The following CCDC157 variants were observed in gnomAD, a reference collection of about 807,000 sequenced individuals.
CCDC157 encodes the protein coiled-coil domain containing 157, also known as coiled-coil domain-containing protein 157.
In CCDC157, 60 loss-of-function variants were observed where a neutral mutation model predicts 70.9. The observed-to-expected ratio is 0.85, with a 90% confidence interval of 0.69 to 1.05. The LOEUF (loss-of-function observed/expected upper bound fraction) is 1.05, where lower values mean the gene tolerates loss of function less well. CCDC157 is among the 50% of genes least tolerant of loss of function. CCDC157 has a pLI of 0.00. For synonymous variants in CCDC157, 373 were observed against 422.4 expected, an observed-to-expected ratio of 0.88 and a Z score of 1.43; for missense variants, 943 against 984.2, an observed-to-expected ratio of 0.96 and a Z score of 0.56.
At chr22:30,373,410 C>G (rs1933085640) in intron 7 of CCDC157, 187 bp from the exon 8 acceptor site, 1 of 629,406 alleles carries the variant, frequency 1.6e-6, no homozygotes, top group East Asian at 2.8e-5. Flanking sequence ...CGGTGTGCAT[C>G]TGCCTGCTGC....
In CCDC157 at chr22:30,374,081, C is replaced by T. The variant is rs918401687; in HGVS notation, c.1662C>T (p.Thr554=). 5.6e-6 allele frequency: 9 copies of T among 1,597,832 alleles called. 1 individual carries two copies. In the East Asian group the frequency reaches 2.0e-4, roughly 36 times the overall value. The part of the protein sequence containing the change: ...AFPDLHRPTE[T]QIHGGRSSSV... ...CAGACCTGCACAGGCCCACCGAGAC[C>T]CAGATCCATGGTAGGGGACTGGGGA... The change falls in exon 9 of 12, where the codon ACC becomes ACT. Residue 554 remains threonine (T), a synonymous_variant. Coordinates refer to ENST00000338306, the MANE Select transcript of CCDC157 (RefSeq NM_001017437.5).
rs57813654 is a variant in CCDC157, at chr22:30,361,324, G to C, written c.-165-637G>C. On this transcript the variant is annotated intron_variant, in intron 1 of 11. Coordinates refer to ENST00000338306, the MANE Select transcript of CCDC157 (RefSeq NM_001017437.5). Reference sequence around the variant, plus strand: ...GGAGGGCATGGATTTAGTAAGGCCTGTTTGCTCAGATTCTTCTTGGTGTCC... The same window carrying C: ...GGAGGGCATGGATTTAGTAAGGCCTCTTTGCTCAGATTCTTCTTGGTGTCC... Among the ~76,000 whole-genome samples, 1,471 of 151,890 alleles carry C rather than the reference G, an allele frequency of 9.7e-3. 22 individuals carry two copies. The highest frequency in any genetic ancestry group is 0.033 in the African/African-American group (1,382 of 41,400).
In CCDC157 at chr22:30,376,623, G is replaced by A. The variant is rs1296609256; in HGVS notation, c.2137G>A (p.Val713Met). ...SQPSKSLLEG[V>M]THLDTCTQNP... ...GCCCAGCAAGTCCTTGCTGGAGGGT[G>A]TGACCCACTTGGACACCTGCACCCA... The change falls in exon 12 of 12, where the codon GTG (valine) becomes ATG (methionine). Residue 713 changes from valine (V) to methionine (M), a missense_variant. Val to Met is a conservative substitution (Grantham distance 21). Coordinates refer to ENST00000338306, the MANE Select transcript of CCDC157 (RefSeq NM_001017437.5). The A allele has an allele frequency of 1.2e-6, 2 of 1,613,732 alleles. No individual in the cohort carries two copies. The highest frequency in any genetic ancestry group is 1.7e-6 in the Non-Finnish European group (2 of 1,180,002).
At chr22:30,376,236 T>C in intron 10 of CCDC157, 23 bp from the exon 11 acceptor site, 1 of 1,522,950 alleles carries the variant, frequency 6.6e-7, no homozygotes, top group Non-Finnish European at 9.0e-7. Flanking sequence ...CTTATAAGAC[T>C]GGCTTTTTTT....
Position 30,376,888 on chromosome 22 carries a change from A to T in CCDC157, c.*143A>T, listed in dbSNP as rs1399355869. 3.7e-6 allele frequency: 3 copies of T among 818,316 alleles called. No homozygotes were observed. The African/African-American group carries it at 5.2e-5, about 14-fold the overall frequency. The allele number at this position is 818,316 out of a possible 1,614,324, so 50.7% of individuals were successfully genotyped here. On this transcript the variant is annotated 3_prime_UTR_variant, in exon 12 of 12. Transcript: ENST00000338306. ...GAACCCTTCCTTCCCTGTCCTGGGC[A>T]GGGGCCACTGAGTCCCCAGCCATGT...
chr22:30,376,641 T>C lies in CCDC157; in HGVS notation c.2155T>C (p.Cys719Arg), dbSNP rs757483187. 35 of 1,613,730 alleles carry C rather than the reference T, an allele frequency of 2.2e-5. No homozygotes were observed. The highest frequency in any genetic ancestry group is 2.8e-5 in the Non-Finnish European group (33 of 1,180,002). The change falls in exon 12 of 12, where the codon TGC becomes CGC. Residue 719 changes from cysteine to arginine, a missense_variant. Coordinates refer to ENST00000338306, the MANE Select transcript of CCDC157 (RefSeq NM_001017437.5). Reference protein sequence around the residue: ...LLEGVTHLDTCTQNPIKVLVR... With the variant: ...LLEGVTHLDTRTQNPIKVLVR... Reference sequence around the variant, plus strand: ...GGAGGGTGTGACCCACTTGGACACCTGCACCCAGAACCCCATCAAGGTCTT... The same window carrying C: ...GGAGGGTGTGACCCACTTGGACACCCGCACCCAGAACCCCATCAAGGTCTT...
chr22:30,371,997 T>C, intron 6 of CCDC157, 78 bp from the exon 7 acceptor site: 2 of 977,292 alleles, frequency 2.0e-6, no homozygotes, highest in Non-Finnish European at 3.1e-6. Context: ...AGAGATGGGA[T>C]GTGAGCTCCC....
Position 30,375,517 on chromosome 22 carries a change from C to G in CCDC157, c.1711C>G (p.Pro571Ala). The G allele has an allele frequency of 6.2e-7, 1 of 1,614,188 alleles. No individual in the cohort carries two copies. Among genetic ancestry groups the G allele is most frequent in the Non-Finnish European group, 8.5e-7 (1 of 1,180,034 alleles). ...CAGCGTGGAATCCCAGATAACATGT[C>G]CCACAGACTCTGGCAACGTCACAGA... ...SSSVESQITC[P>A]TDSGNVTDHM... Residue 571 changes from proline to alanine, a missense_variant, in exon 10 of 12, where the codon CCC (proline) becomes GCC (alanine). Pro to Ala is a conservative substitution (Grantham distance 27, BLOSUM62 -1). Coordinates refer to ENST00000338306, the MANE Select transcript of CCDC157 (RefSeq NM_001017437.5).
chr22:30,365,704 C>T (rs940595305), intron 2 of CCDC157, among the ~76,000 whole-genome samples: 3 of 152,148 alleles, frequency 2.0e-5, no homozygotes, highest in African/African-American at 7.2e-5. Context: ...GCTGTATCCA[C>T]CCAGCCTTGA....
At chr22:30,358,009 A>G (rs1366499723) in intron 1 of CCDC157, among the ~76,000 whole-genome samples, 2 of 152,138 alleles carry the variant, frequency 1.3e-5, no homozygotes, top group Non-Finnish European at 2.9e-5. Flanking sequence ...CAGCCCTGCA[A>G]GCTATGCGGC....
chr22:30,370,290 C>T (rs753966399), intron 4 of CCDC157, 36 bp from the exon 5 acceptor site: 1 of 1,605,538 alleles, frequency 6.2e-7, no homozygotes, highest in Non-Finnish European at 8.5e-7. Context: ...CTACTCTCTC[C>T]CTCACCTGCT....
In CCDC157 at chr22:30,376,509, C is replaced by T. The variant is rs745819213; in HGVS notation, c.2023C>T (p.Arg675Trp). Residue 675 changes from arginine to tryptophan, a missense_variant, in exon 12 of 12, where the codon CGG becomes TGG. Coordinates refer to ENST00000338306, the MANE Select transcript of CCDC157 (RefSeq NM_001017437.5). ...LLGQPCTSPP[R>W]QPCTSPPRQP... ...GGGCCAGCCCTGCACATCCCCACCT[C>T]GGCAGCCCTGCACATCCCCACCTCG... The T allele has an allele frequency of 6.2e-7, 1 of 1,607,056 alleles. No homozygotes were observed. Among genetic ancestry groups the T allele is most frequent in the Non-Finnish European group, 8.5e-7 (1 of 1,178,920 alleles).
At position 30,357,849 on chromosome 22, in the gene CCDC157, G is replaced by T. The variant is rs116214697; in HGVS notation, c.-166+717G>T. Among the ~76,000 whole-genome samples, 1,039 of 151,868 alleles carry T rather than the reference G, an allele frequency of 6.8e-3. 10 individuals carry two copies. The highest frequency in any genetic ancestry group is 0.024 in the African/African-American group (987 of 41,410). On this transcript the variant is annotated intron_variant, in intron 1 of 11. Transcript: ENST00000338306. ...AAATTTTTTTTTTTGTAGGGACATG[G>T]GAGGACGTCTCCCTATGTTGCCCAG... is the stretch of plus-strand genomic sequence containing the variant.
At chr22:30,366,709 G>A (rs1457042904) in intron 3 of CCDC157, 2 of 206,168 alleles carry the variant, frequency 9.7e-6, no homozygotes, top group African/African-American at 4.6e-5. Flanking sequence ...CTGACCCGCT[G>A]GGAAGAGCCT....
At chr22:30,365,653 C>T (rs1399784881) in intron 2 of CCDC157, among the ~76,000 whole-genome samples, 2 of 152,102 alleles carry the variant, frequency 1.3e-5, no homozygotes, top group Non-Finnish European at 2.9e-5. Flanking sequence ...TTCAAGGGTT[C>T]GCTTTGGGAG....
chr22:30,372,367 G>T (rs185465831), intron 7 of CCDC157, 81 bp downstream of exon 7: 5 of 1,436,290 alleles, frequency 3.5e-6, no homozygotes, highest in East Asian at 5.0e-5. Context: ...GGGAATGGGG[G>T]ATCATCTATA....
intron 1 of CCDC157, among the ~76,000 whole-genome samples, chr22:30,358,210 TC>T (rs1274949221): frequency 6.6e-6 from 1 of 151,944 alleles, no homozygotes; most frequent in Non-Finnish European, 1.5e-5. Context: ...GTCTTCCCCC[TC>T]CCCCCACACA....
Position 30,373,732 on chromosome 22 carries a change from G to A in CCDC157, c.1471G>A (p.Glu491Lys). The change falls in exon 8 of 12, where the codon GAG (glutamate) becomes AAG (lysine). Residue 491 changes from glutamate to lysine, a missense_variant. Glu to Lys is a moderately conservative substitution (Grantham distance 56, BLOSUM62 1). Coordinates refer to ENST00000338306, the MANE Select transcript of CCDC157 (RefSeq NM_001017437.5). Reference protein sequence around the residue: ...RVEEQLQSEREQGQCQLRAQQ... With the variant: ...RVEEQLQSERKQGQCQLRAQQ... Reference sequence around the variant, plus strand: ...GGAGGAGCAGCTGCAGAGCGAGCGGGAGCAGGGGCAATGCCAGCTCAGGGC... The same window carrying A: ...GGAGGAGCAGCTGCAGAGCGAGCGGAAGCAGGGGCAATGCCAGCTCAGGGC... 3.9e-6 allele frequency: 6 copies of A among 1,554,014 alleles called. No homozygotes were observed. The highest frequency in any genetic ancestry group is 5.2e-6 in the Non-Finnish European group (6 of 1,149,108).
intron 2 of CCDC157, among the ~76,000 whole-genome samples, chr22:30,365,239 T>C (rs1932640851): frequency 6.6e-6 from 1 of 151,582 alleles, no homozygotes; most frequent in African/African-American, 2.4e-5. Flanking sequence ...CAGGGGAGCA[T>C]GATTCAGACA....
Sources: allele counts gnomAD v4.1 joint callset (sites outside exome capture counted in the v4.1 genomes callset), GRCh38; gene constraint gnomAD v4.1.1; transcripts MANE v1.5; gene names NCBI Gene and HGNC (gene_info 2026-07-23, HGNC 2026-07-21).